Variants in STAG1 observed in about 807,000 individuals in gnomAD.
The protein encoded by STAG1 is STAG1 cohesin complex component.
A neutral mutation model predicts 170.9 loss-of-function variants in STAG1; 26 were observed. The ratio of observed to expected loss-of-function variants is 0.15; its 90% CI spans 0.11 to 0.21. STAG1 has a LOEUF of 0.21. Among genes scored for constraint, STAG1 ranks in the 10% least tolerant of loss-of-function variants. The pLI, the probability that STAG1 is intolerant of heterozygous loss-of-function variation, is 1.00. For missense variants in STAG1, 964 were observed against 1,509.5 expected, an observed-to-expected ratio of 0.64 and a Z score of 5.99; for synonymous variants, 514 against 497.7, an observed-to-expected ratio of 1.03 and a Z score of -0.44.
chr3:136,545,654 A>C (rs1936125222), intron 5 of STAG1, among the ~76,000 whole-genome samples: 1 of 152,186 alleles, frequency 6.6e-6, no homozygotes, highest in African/African-American at 2.4e-5. Flanking sequence ...GATACCTTTC[A>C]AGCTTAATCG....
At chr3:136,517,277 T>C (rs1288743447) in intron 7 of STAG1, among the ~76,000 whole-genome samples, 1 of 152,192 alleles carries the variant, frequency 6.6e-6, no homozygotes, top group Non-Finnish European at 1.5e-5. Context: ...ACAATCTTCA[T>C]GTCATTATTA....
chr3:136,596,967 T>G (rs1037828183), intron 4 of STAG1, among the ~76,000 whole-genome samples: 1 of 152,066 alleles, frequency 6.6e-6, no homozygotes, highest in Non-Finnish European at 1.5e-5. Context: ...CCCAGCTACT[T>G]AGGAGGCTGA....
chr3:136,702,356 A>C (rs1943108865), intron 1 of STAG1, among the ~76,000 whole-genome samples: 1 of 152,180 alleles, frequency 6.6e-6, no homozygotes, highest in South Asian at 2.1e-4. Flanking sequence ...ATCCACAAAT[A>C]AACTTACCAA....
At chr3:136,464,249 C>T (rs534821455) in intron 13 of STAG1, among the ~76,000 whole-genome samples, 1 of 151,486 alleles carries the variant, frequency 6.6e-6, no homozygotes, top group Non-Finnish European at 1.5e-5. Flanking sequence ...CATGGAGAAA[C>T]CCTGTCTCTA....
chr3:136,727,691 G>A (rs1184878428), intron 1 of STAG1, among the ~76,000 whole-genome samples: 3 of 152,118 alleles, frequency 2.0e-5, no homozygotes, highest in Non-Finnish European at 4.4e-5. Flanking sequence ...ATGTTCTCTA[G>A]GGAAAGCGAA....
chr3:136,436,673 T>C (rs1374402329), intron 15 of STAG1, among the ~76,000 whole-genome samples: 1 of 152,186 alleles, frequency 6.6e-6, no homozygotes, highest in East Asian at 1.9e-4. Flanking sequence ...TAGATGTAGG[T>C]ATTATAGACA....
intron 5 of STAG1, among the ~76,000 whole-genome samples, chr3:136,553,720 G>T (rs1434376049): frequency 6.6e-6 from 1 of 152,276 alleles, no homozygotes; most frequent in African/African-American, 2.4e-5. Context: ...ATTGCCGTGA[G>T]CCAAGATCGC....
At chr3:136,422,662 AAAT>A (rs1232733980) in intron 18 of STAG1, 49 bp from the exon 19 acceptor site, 1 of 1,565,900 alleles carries the variant, frequency 6.4e-7, no homozygotes, top group Non-Finnish European at 8.6e-7. Flanking sequence ...TAACAATAAA[AAAT>A]AAAAAATTAG....
At chr3:136,440,710 C>T (rs965141194) in intron 15 of STAG1, among the ~76,000 whole-genome samples, 14 of 151,962 alleles carry the variant, frequency 9.2e-5, no homozygotes, top group Admixed American at 4.6e-4. Flanking sequence ...ATGTGTAAGC[C>T]GGGGAGTGGT....
intron 22 of STAG1, among the ~76,000 whole-genome samples, chr3:136,382,329 A>G (rs1938012916): frequency 1.3e-5 from 2 of 152,180 alleles, no homozygotes; most frequent in African/African-American, 4.8e-5. Flanking sequence ...CAAATAAGTA[A>G]GCAATCAACT....
intron 4 of STAG1, among the ~76,000 whole-genome samples, chr3:136,574,354 A>ACG (rs1477376152): frequency 1.3e-4 from 20 of 152,026 alleles, no homozygotes; most frequent in Non-Finnish European, 2.5e-4. Flanking sequence ...ACACACACAC[A>ACG]CACACACACA....
At chr3:136,623,051 A>G (rs1939937517) in intron 3 of STAG1, 95 bp downstream of exon 3, 3 of 1,022,848 alleles carry the variant, frequency 2.9e-6, no homozygotes, top group Non-Finnish European at 4.2e-6. Flanking sequence ...ATTTTTTTTA[A>G]GTATTAACCA....
chr3:136,729,905 T>G (rs1933912982), intron 1 of STAG1, among the ~76,000 whole-genome samples: 1 of 76,448 alleles, frequency 1.3e-5, no homozygotes, highest in Non-Finnish European at 2.5e-5. Flanking sequence ...TTTTTTTTTT[T>G]TGAGACAGAG....
At chr3:136,609,998 A>T (rs112133184) in intron 3 of STAG1, among the ~76,000 whole-genome samples, 7 of 152,240 alleles carry the variant, frequency 4.6e-5, no homozygotes, top group African/African-American at 1.4e-4. Context: ...TGGATATTTT[A>T]AATTATTTCT....
intron 25 of STAG1, among the ~76,000 whole-genome samples, chr3:136,365,099 A>C (rs1261708600): frequency 6.6e-6 from 1 of 152,216 alleles, no homozygotes; most frequent in Non-Finnish European, 1.5e-5. Context: ...GCCTATAGTG[A>C]ATAGAAGTGT....
At chr3:136,721,405 ACT>A (rs1322097258) in intron 1 of STAG1, 1 of 151,946 alleles carries the variant, frequency 6.6e-6, no homozygotes, top group Non-Finnish European at 1.5e-5. Flanking sequence ...AATATCTAAT[ACT>A]CTTTTTACAT....
chr3:136,368,808 G>C (rs1221316195), intron 24 of STAG1, among the ~76,000 whole-genome samples: 7 of 151,970 alleles, frequency 4.6e-5, no homozygotes, highest in Admixed American at 4.6e-4. Context: ...TATTCTTGTT[G>C]GTTTCTGAAC....
At chr3:136,339,232 G>C (rs920458353) in intron 32 of STAG1, among the ~76,000 whole-genome samples, 25 of 152,226 alleles carry the variant, frequency 1.6e-4, no homozygotes, top group African/African-American at 6.0e-4. Flanking sequence ...CTAGCTTCCA[G>C]AAATGTGATA....
chr3:136,651,111 T>A (rs111379782), intron 1 of STAG1, among the ~76,000 whole-genome samples: 21,707 of 152,080 alleles, frequency 0.14, 1,961 homozygotes, highest in East Asian at 0.31. Context: ...ACACCTGTAA[T>A]CCTAGCACTT....
Sources: gnomAD v4.1 joint callset for allele counts (sites outside exome capture counted in the v4.1 genomes callset) on GRCh38, gnomAD v4.1.1 for gene constraint, MANE v1.5 for transcripts, NCBI Gene and HGNC (gene_info 2026-07-23, HGNC 2026-07-21) for gene names.